Variants in CAPN13 observed in about 807,000 individuals in gnomAD.
CAPN13 encodes the protein calpain-13.
In CAPN13, 90 loss-of-function variants were observed where a neutral mutation model predicts 98.4. That is an observed-to-expected ratio of 0.92 (90% CI 0.77 to 1.09). The LOEUF (loss-of-function observed/expected upper bound fraction) is 1.09, where lower values mean the gene tolerates loss of function less well. Among genes scored for constraint, CAPN13 ranks in the 50% least tolerant of loss-of-function variants. CAPN13 has a pLI of 0.00. For missense variants in CAPN13, 887 were observed against 841.3 expected (o/e 1.05, Z -0.67); for synonymous variants, 330 against 305.5 (o/e 1.08, Z -0.84).
chr2:30,743,621 CTGT>C, intron 12 of CAPN13, 42 bp from the exon 13 acceptor site: 1 of 1,583,924 alleles, frequency 6.3e-7, no homozygotes, highest in Non-Finnish European at 8.7e-7. Flanking sequence ...AAAGCCTCCT[CTGT>C]GCATGGACCC....
At chr2:30,764,439 C>T (rs1309139404) in intron 5 of CAPN13, 133 bp from the exon 6 acceptor site, 8 of 906,932 alleles carry the variant, frequency 8.8e-6, no homozygotes, top group African/African-American at 1.7e-5. Context: ...TGGCCACCCA[C>T]CTCCCCTTTG....
intron 11 of CAPN13, among the ~76,000 whole-genome samples, chr2:30,748,924 C>A (rs1201327073): frequency 2.0e-5 from 3 of 152,104 alleles, no homozygotes; most frequent in Non-Finnish European, 4.4e-5. Flanking sequence ...TCTGCTAGAG[C>A]CAGAATCTTT....
chr2:30,805,493 G>A (rs1467685047), intron 1 of CAPN13, among the ~76,000 whole-genome samples: 4 of 152,076 alleles, frequency 2.6e-5, no homozygotes, highest in Non-Finnish European at 5.9e-5. Context: ...CTAAAATAAT[G>A]TCAACAATAA....
intron 1 of CAPN13, among the ~76,000 whole-genome samples, chr2:30,791,949 C>A (rs1010937481): frequency 6.6e-6 from 1 of 152,112 alleles, no homozygotes; most frequent in African/African-American, 2.4e-5. Context: ...ATTACATCTG[C>A]CCAGAAACAT....
At chr2:30,785,792 T>C (rs140947583) in intron 2 of CAPN13, among the ~76,000 whole-genome samples, 180 of 152,222 alleles carry the variant, frequency 1.2e-3, no homozygotes, top group African/African-American at 4.2e-3. Context: ...CCTCTGAAAA[T>C]AGCAAAGGGA....
intron 2 of CAPN13, among the ~76,000 whole-genome samples, chr2:30,780,720 T>C (rs1673944275): frequency 6.6e-6 from 1 of 152,212 alleles, no homozygotes; most frequent in East Asian, 1.9e-4. Context: ...ATGTCTCCTG[T>C]CCTCTAAGCT....
chr2:30,750,532 G>A (rs537644909), intron 11 of CAPN13, among the ~76,000 whole-genome samples: 10 of 152,082 alleles, frequency 6.6e-5, no homozygotes, highest in African/African-American at 2.4e-4. Flanking sequence ...TAGCCAAGCA[G>A]AAGTTTGCAT....
chr2:30,791,357 G>A (rs901830347), intron 1 of CAPN13, among the ~76,000 whole-genome samples: 2 of 152,186 alleles, frequency 1.3e-5, no homozygotes, highest in Admixed American at 6.5e-5. Flanking sequence ...AGCACCTAGC[G>A]CTAGGCCTGG....
At chr2:30,763,568 A>G (rs530308918) in intron 6 of CAPN13, among the ~76,000 whole-genome samples, 19 of 152,328 alleles carry the variant, frequency 1.2e-4, no homozygotes, top group African/African-American at 4.3e-4. Context: ...GCAATGTGTG[A>G]CTCAAAGCCC....
chr2:30,754,181 T>C, intron 9 of CAPN13, 109 bp downstream of exon 9: 1 of 823,600 alleles, frequency 1.2e-6, no homozygotes, highest in Non-Finnish European at 1.8e-6. Context: ...TCTAAACAGG[T>C]CTCTGCAAAG....
At chr2:30,797,669 C>G (rs1178457006) in intron 1 of CAPN13, among the ~76,000 whole-genome samples, 1 of 152,208 alleles carries the variant, frequency 6.6e-6, no homozygotes, top group Non-Finnish European at 1.5e-5. Context: ...CAACCCTGCA[C>G]CAGCTGGTGG....
At chr2:30,759,499 C>T (rs952808865) in intron 7 of CAPN13, among the ~76,000 whole-genome samples, 12 of 152,142 alleles carry the variant, frequency 7.9e-5, no homozygotes, top group African/African-American at 2.7e-4. Context: ...TCTGAGGAGA[C>T]AGAGGCCCAG....
intron 1 of CAPN13, among the ~76,000 whole-genome samples, chr2:30,800,571 C>G (rs946610982): frequency 7.2e-5 from 11 of 152,208 alleles, no homozygotes; most frequent in Admixed American, 1.3e-4. Context: ...TCGGTCTCCC[C>G]ACTTGGAACA....
At chr2:30,790,817 T>C (rs1674570017) in intron 1 of CAPN13, among the ~76,000 whole-genome samples, 1 of 152,238 alleles carries the variant, frequency 6.6e-6, no homozygotes, top group Non-Finnish European at 1.5e-5. Flanking sequence ...AACAACAGGA[T>C]TTATTTCTCA....
chr2:30,785,400 TAAGA>T (rs1162845499), intron 2 of CAPN13, among the ~76,000 whole-genome samples: 1 of 152,130 alleles, frequency 6.6e-6, no homozygotes, highest in Non-Finnish European at 1.5e-5. Context: ...TCAACTGTGA[TAAGA>T]AAGACAAAGA....
At chr2:30,781,424 T>C (rs928081783) in intron 2 of CAPN13, among the ~76,000 whole-genome samples, 6 of 152,230 alleles carry the variant, frequency 3.9e-5, no homozygotes, top group Admixed American at 3.9e-4. Flanking sequence ...GATACTTGGC[T>C]AAACATTACT....
At chr2:30,728,215 T>C (rs145950897) in intron 22 of CAPN13, among the ~76,000 whole-genome samples, 1 of 150,544 alleles carries the variant, frequency 6.6e-6, no homozygotes, top group Non-Finnish European at 1.5e-5. Flanking sequence ...TTCTTTTTTG[T>C]GGTGATAAAA....
At chr2:30,768,546 C>G (rs952159509) in intron 5 of CAPN13, among the ~76,000 whole-genome samples, 17 of 152,198 alleles carry the variant, frequency 1.1e-4, no homozygotes, top group African/African-American at 3.4e-4. Context: ...CCATGAGAGT[C>G]CCTGCCCCTG....
chr2:30,741,897 A>G lies in CAPN13; in HGVS notation c.1536+11T>C. 1 of 1,613,900 alleles carries G rather than the reference A, an allele frequency of 6.2e-7. No individual in the cohort carries two copies. Among genetic ancestry groups the G allele is most frequent in the Admixed American group, 1.7e-5 (1 of 60,016 alleles). Reference sequence around the variant, plus strand: ...ATCCCACGTAAGGCCCCTGGGTGCTAGGTACCATACCTGCTGAGCATATCT... The same window carrying G: ...ATCCCACGTAAGGCCCCTGGGTGCTGGGTACCATACCTGCTGAGCATATCT... On this transcript the variant is annotated intron_variant, in intron 15 of 22. Transcript: ENST00000295055.
Sources: allele counts gnomAD v4.1 joint callset (sites outside exome capture counted in the v4.1 genomes callset), GRCh38; gene constraint gnomAD v4.1.1; transcripts MANE v1.5; gene names NCBI Gene and HGNC (gene_info 2026-07-23, HGNC 2026-07-21).